The following CLASP1 variants were observed in gnomAD, a reference collection of about 807,000 sequenced individuals.
The protein encoded by CLASP1 is CLIP-associating protein 1.
CLASP1 carries 38 observed loss-of-function variants against 192.3 expected under a neutral mutation model. That is an observed-to-expected ratio of 0.20 (90% CI 0.15 to 0.26). The LOEUF (loss-of-function observed/expected upper bound fraction) is 0.26, where lower values mean the gene tolerates loss of function less well. Among genes scored for constraint, CLASP1 ranks in the 10% least tolerant of loss-of-function variants. CLASP1 has a pLI of 1.00. For missense variants in CLASP1, 1,433 were observed against 1,932.5 expected, an observed-to-expected ratio of 0.74 and a Z score of 4.85; for synonymous variants, 691 against 712.8, an observed-to-expected ratio of 0.97 and a Z score of 0.49.
chr2:121,466,587 G>A (rs1312397023), intron 9 of CLASP1, among the ~76,000 whole-genome samples: 1 of 152,158 alleles, frequency 6.6e-6, no homozygotes, highest in Non-Finnish European at 1.5e-5. Context: ...TCTAAGAGCA[G>A]CACCTACACA....
intron 34 of CLASP1, among the ~76,000 whole-genome samples, chr2:121,370,104 T>C (rs1341936180): frequency 6.6e-6 from 1 of 152,186 alleles, no homozygotes; most frequent in Non-Finnish European, 1.5e-5. Flanking sequence ...ATGTTGAATG[T>C]CTTCATTTTT....
chr2:121,537,349 G>C (rs968960681), intron 2 of CLASP1, among the ~76,000 whole-genome samples: 1 of 151,548 alleles, frequency 6.6e-6, no homozygotes, highest in African/African-American at 2.4e-5. Flanking sequence ...CCGTGATCTT[G>C]TCACTGCACT....
intron 8 of CLASP1, chr2:121,490,284 G>C (rs1255078628): frequency 4.4e-6 from 2 of 454,678 alleles, no homozygotes; most frequent in African/African-American, 4.0e-5. Flanking sequence ...TTTCCCAGTA[G>C]TCATGATTGT....
Position 121,479,047 on chromosome 2 carries a change from ACC to A in CLASP1, c.713-9089_713-9088del, listed in dbSNP as rs1325501819. ...ACACACACACCCCACACACACACACACCCCCCCCCCACACACACACACACACA... is the reference window on the plus strand; with the variant it reads ...ACACACACACCCCACACACACACACACCCCCCCCACACACACACACACACA... On this transcript the variant is annotated intron_variant, in intron 8 of 39. Coordinates refer to ENST00000263710, the Ensembl canonical transcript of CLASP1. 2.1e-3 allele frequency among the ~76,000 whole-genome samples: 87 copies of A among 42,272 alleles called. 3 individuals are homozygous for A. The highest frequency in any genetic ancestry group is 7.2e-3 in the African/African-American group (61 of 8,490). The allele number at this position is 42,272 out of a possible 152,430, so 27.7% of individuals were successfully genotyped here. A position where few individuals can be genotyped will look rare whatever the true frequency, so the allele number is the denominator to read the frequency against.
chr2:121,604,436 A>G (rs924436564), intron 2 of CLASP1, among the ~76,000 whole-genome samples: 1 of 152,162 alleles, frequency 6.6e-6, no homozygotes. Flanking sequence ...TGGGAGGAGG[A>G]GGCGGGTGGC....
rs1259369756 is a variant in CLASP1, at chr2:121,557,568, A to C, written c.196-27243T>G. Among the ~76,000 whole-genome samples, 6 of 151,648 alleles carry C rather than the reference A, an allele frequency of 4.0e-5. 1 individual carries two copies. Among genetic ancestry groups the C allele is most frequent in the Non-Finnish European group, 8.8e-5 (6 of 67,896 alleles). On this transcript the variant is annotated intron_variant, in intron 2 of 39. Coordinates refer to ENST00000263710, the Ensembl canonical transcript of CLASP1. ...CACTGCACTCCAGCCTAGGCGACAG[A>C]GTGAGACTCTGTCTCTAAATAAATA...
intron 1 of CLASP1, among the ~76,000 whole-genome samples, chr2:121,642,415 A>G (rs957246005): frequency 1.3e-5 from 2 of 151,864 alleles, no homozygotes; most frequent in South Asian, 2.1e-4. Flanking sequence ...AAAAAAAAAA[A>G]AAAGAAAAAA....
Position 121,605,851 on chromosome 2 carries a change from C to T in CLASP1, c.45G>A (p.Lys15=), listed in dbSNP as rs181355229. The T allele has an allele frequency of 5.6e-6, 9 of 1,614,010 alleles. No individual in the cohort carries two copies. In the Admixed American group the frequency reaches 1.3e-4, roughly 24 times the overall value. The stretch of plus-strand genomic sequence containing the variant: ...CAACCTGCAATCGTTTCCCCACATC[C>T]TTCTGCAACACCTGCGCCAGGCAGG... The change falls in exon 2 of 40, where the codon AAG becomes AAA. Residue 15 remains lysine, a synonymous_variant. Coordinates refer to ENST00000263710, the Ensembl canonical transcript of CLASP1.
chr2:121,368,804 CT>C (rs899882798), intron 34 of CLASP1, among the ~76,000 whole-genome samples: 6 of 152,282 alleles, frequency 3.9e-5, no homozygotes, highest in African/African-American at 1.4e-4. Flanking sequence ...TGCATTTACA[CT>C]TTTTTCCGGT....
chr2:121,375,925 A>G (rs1285636373), intron 34 of CLASP1, among the ~76,000 whole-genome samples: 1 of 152,320 alleles, frequency 6.6e-6, no homozygotes, highest in East Asian at 1.9e-4. Flanking sequence ...GGCACTTAAC[A>G]TTCCTTGAAA....
intron 2 of CLASP1, among the ~76,000 whole-genome samples, chr2:121,555,092 A>AC (rs1169956061): frequency 6.6e-6 from 1 of 152,200 alleles, no homozygotes; most frequent in Non-Finnish European, 1.5e-5. Flanking sequence ...GTCTGTGCAG[A>AC]CCCAGAGTCC....
intron 2 of CLASP1, among the ~76,000 whole-genome samples, chr2:121,544,439 C>CAAAAAAAAAAAA (rs11293204): frequency 1.2e-5 from 1 of 80,722 alleles, no homozygotes; most frequent in Non-Finnish European, 3.1e-5. Context: ...AAAATATATA[C>CAAAAAAAAAAAA]AAAAAAAAAA....
At chr2:121,451,322 C>T (rs931100966) in intron 15 of CLASP1, among the ~76,000 whole-genome samples, 4 of 152,198 alleles carry the variant, frequency 2.6e-5, no homozygotes, top group Non-Finnish European at 5.9e-5. Flanking sequence ...ACCCAAACAA[C>T]AAAAGCTTGT....
intron 2 of CLASP1, among the ~76,000 whole-genome samples, chr2:121,594,997 C>T (rs1178113352): frequency 1.3e-5 from 2 of 151,986 alleles, no homozygotes; most frequent in Admixed American, 1.3e-4. Context: ...CTAACAGGAC[C>T]AAAGAACTAT....
chr2:121,444,120 T>C (rs1013909087), intron 19 of CLASP1, among the ~76,000 whole-genome samples: 3 of 152,230 alleles, frequency 2.0e-5, no homozygotes, highest in Non-Finnish European at 4.4e-5. Flanking sequence ...GGAATGATAT[T>C]GCCTTATATG....
chr2:121,443,361 T>C (rs2083702857), intron 19 of CLASP1, among the ~76,000 whole-genome samples: 2 of 152,018 alleles, frequency 1.3e-5, no homozygotes, highest in Non-Finnish European at 1.5e-5. Flanking sequence ...GGCATAGAAA[T>C]CAGGGCATTC....
At chr2:121,549,585 T>C (rs907923861) in intron 2 of CLASP1, among the ~76,000 whole-genome samples, 5 of 151,510 alleles carry the variant, frequency 3.3e-5, no homozygotes, top group African/African-American at 9.7e-5. Flanking sequence ...ACTAGACCAA[T>C]GGATCTGATA....
intron 6 of CLASP1, among the ~76,000 whole-genome samples, chr2:121,520,629 G>C (rs2094436020): frequency 6.6e-6 from 1 of 152,228 alleles, no homozygotes; most frequent in Non-Finnish European, 1.5e-5. Context: ...AGTCAGCATG[G>C]GGAGTCCCAC....
chr2:121,389,088 G>T lies in CLASP1; in HGVS notation c.3124-1182C>A, dbSNP rs536056120. Among the ~76,000 whole-genome samples the T allele has an allele frequency of 7.9e-5, 12 of 152,004 alleles. No individual in the cohort carries two copies. The South Asian group carries it at 2.3e-3, about 29-fold the overall frequency. On this transcript the variant is annotated intron_variant, in intron 30 of 39. Transcript: ENST00000263710. ...GGAAAAGAAATCCAAAAACCCAAAG[G>T]TATTTAACCAAAAATAAGAATTATG...
Sources: allele counts gnomAD v4.1 joint callset (sites outside exome capture counted in the v4.1 genomes callset), GRCh38; gene constraint gnomAD v4.1.1; transcripts MANE v1.5; gene names NCBI Gene and HGNC (gene_info 2026-07-23, HGNC 2026-07-21).